Variants in MICAL3 observed in about 807,000 individuals in gnomAD.
The protein encoded by MICAL3 is microtubule associated monooxygenase, calponin and LIM domain containing 3, also known as [F-actin]-monooxygenase MICAL3.
A neutral mutation model predicts 207.4 loss-of-function variants in MICAL3; 62 were observed. That is an observed-to-expected ratio of 0.30 (90% CI 0.24 to 0.37). The LOEUF (loss-of-function observed/expected upper bound fraction) is 0.37, where lower values mean the gene tolerates loss of function less well. MICAL3 is among the 10% of genes least tolerant of loss of function. MICAL3 has a pLI of 1.00. For synonymous variants in MICAL3, 1,077 were observed against 1,069.3 expected (o/e 1.01, Z -0.14); for missense variants, 2,368 against 2,635.6 (o/e 0.90, Z 2.22).
At chr22:17,854,654 T>A (rs1211146200) in intron 19 of MICAL3, among the ~76,000 whole-genome samples, 1 of 152,204 alleles carries the variant, frequency 6.6e-6, no homozygotes, top group African/African-American at 2.4e-5. Context: ...CGCCTGAACT[T>A]TCCCTTGTCT....
intron 16 of MICAL3, among the ~76,000 whole-genome samples, chr22:17,877,427 G>GGTT (rs1928860326): frequency 5.4e-5 from 2 of 37,082 alleles, no homozygotes; most frequent in Non-Finnish European, 1.2e-4. Flanking sequence ...AGGTTAGGGA[G>GGTT]ATTATGGAGG....
chr22:17,961,864 C>T lies in MICAL3; in HGVS notation c.-74-54978G>A, dbSNP rs542339647. Among the ~76,000 whole-genome samples, 19 of 152,328 alleles carry T rather than the reference C, an allele frequency of 1.2e-4. No homozygotes were observed. In the South Asian group the frequency reaches 3.9e-3, roughly 32 times the overall value. ...GCCTGCCTCCAGTTGCTCCTCTTCA[C>T]CACCACCTCACCTTCCAATGGGCAA... On this transcript the variant is annotated intron_variant, in intron 1 of 31. Coordinates refer to ENST00000441493, the MANE Select transcript of MICAL3 (RefSeq NM_015241.3).
At position 17,860,847 on chromosome 22, in the gene MICAL3, G is replaced by A. The variant is rs146124172; in HGVS notation, c.2605+4052C>T. ...TCCCCAAAGCCCTGACCTGGAGTAC[G>A]GCTCCCCAGTGTGAGGCTCCCGTGG... is the stretch of plus-strand genomic sequence containing the variant. On this transcript the variant is annotated intron_variant, in intron 19 of 31. Transcript: ENST00000441493. 270 of 985,372 alleles carry A rather than the reference G, an allele frequency of 2.7e-4. 1 individual carries two copies. In the African/African-American group the frequency reaches 4.1e-3, roughly 15 times the overall value. 61.0% of individuals were successfully genotyped at this position (985,372 alleles called of 1,614,324 possible).
intron 29 of MICAL3, among the ~76,000 whole-genome samples, chr22:17,799,069 T>G (rs532662863): frequency 6.6e-6 from 1 of 152,328 alleles, no homozygotes; most frequent in East Asian, 1.9e-4. Context: ...GTCATGGCTA[T>G]GCCCAACTGA....
chr22:17,798,847 G>A (rs997590820), intron 29 of MICAL3, among the ~76,000 whole-genome samples: 1 of 151,742 alleles, frequency 6.6e-6, no homozygotes, highest in African/African-American at 2.4e-5. Context: ...CTAATTTTTT[G>A]TATTTTTAGT....
chr22:17,889,988 A>C (rs1293731987), intron 12 of MICAL3, among the ~76,000 whole-genome samples: 2 of 152,198 alleles, frequency 1.3e-5, no homozygotes, highest in Non-Finnish European at 2.9e-5. Flanking sequence ...TAAGGTACTA[A>C]ATCAGCTCTG....
intron 1 of MICAL3, among the ~76,000 whole-genome samples, chr22:17,909,290 G>A (rs375701967): frequency 1.2e-4 from 18 of 152,266 alleles, no homozygotes; most frequent in South Asian, 6.2e-4. Context: ...TTGGGAGGCC[G>A]AGGTGGGTGA....
At chr22:17,825,521 C>T (rs927289435) in intron 22 of MICAL3, among the ~76,000 whole-genome samples, 1 of 152,170 alleles carries the variant, frequency 6.6e-6, no homozygotes, top group Non-Finnish European at 1.5e-5. Context: ...AGGAGCCAGC[C>T]GTCTCTGCGC....
chr22:17,916,175 G>A (rs147546329), intron 1 of MICAL3, among the ~76,000 whole-genome samples: 1 of 150,990 alleles, frequency 6.6e-6, no homozygotes, highest in African/African-American at 2.4e-5. Context: ...GCATTCTTCC[G>A]CAAGTTTCTA....
At chr22:18,003,251 T>C (rs424765) in intron 1 of MICAL3, among the ~76,000 whole-genome samples, 102,529 of 151,886 alleles carry the variant, frequency 0.68, 36,584 homozygotes, top group African/African-American at 0.92. Flanking sequence ...TTGGTAAAGA[T>C]GAATCCTGTC....
Position 17,790,466 on chromosome 22 carries a change from G to A in MICAL3, c.*266C>T. On this transcript the variant is annotated 3_prime_UTR_variant, in exon 32 of 32. Coordinates refer to ENST00000441493, the MANE Select transcript of MICAL3 (RefSeq NM_015241.3). ...CAGGGAGCGCGCGGGGTGGTCCCCT[G>A]CGTCATGCCATACACGCCGTGCTGC... 1 of 516,162 alleles carries A rather than the reference G, an allele frequency of 1.9e-6. No individual in the cohort carries two copies. Among genetic ancestry groups the A allele is most frequent in the Non-Finnish European group, 3.5e-6 (1 of 288,536 alleles). 32.0% of individuals were successfully genotyped at this position (516,162 alleles called of 1,614,324 possible).
At chr22:17,804,541 C>T (rs919142472) in intron 29 of MICAL3, among the ~76,000 whole-genome samples, 2 of 152,232 alleles carry the variant, frequency 1.3e-5, no homozygotes, top group Admixed American at 1.3e-4. Context: ...CGGCCGAAGG[C>T]TCCTGGAGGT....
chr22:17,979,532 G>A (rs1169293915), intron 1 of MICAL3, among the ~76,000 whole-genome samples: 2 of 152,142 alleles, frequency 1.3e-5, no homozygotes, highest in African/African-American at 2.4e-5. Flanking sequence ...ACAACAAGGT[G>A]AAACTCCATC....
intron 1 of MICAL3, among the ~76,000 whole-genome samples, chr22:17,938,677 A>T (rs1933663737): frequency 6.6e-6 from 1 of 152,176 alleles, no homozygotes. Context: ...CAGAGTCTTA[A>T]AGGACTAAAC....
chr22:17,977,907 A>G (rs11089212), intron 1 of MICAL3, among the ~76,000 whole-genome samples: 1 of 152,042 alleles, frequency 6.6e-6, no homozygotes, highest in Non-Finnish European at 1.5e-5. Context: ...CTGTAACCCC[A>G]GCTACTCGGG....
intron 20 of MICAL3, among the ~76,000 whole-genome samples, chr22:17,835,136 A>G (rs9618133): frequency 0.076 from 11,551 of 152,292 alleles, 601 homozygotes; most frequent in African/African-American, 0.14. Context: ...AGGCCAGCCC[A>G]CAGCCGTGTC....
intron 1 of MICAL3, among the ~76,000 whole-genome samples, chr22:18,003,159 C>CAAAA (rs770213307): frequency 9.3e-6 from 1 of 107,074 alleles, no homozygotes. Flanking sequence ...GACTCCATCT[C>CAAAA]AAAAAAAAAA....
intron 1 of MICAL3, among the ~76,000 whole-genome samples, chr22:17,978,077 C>T (rs1935738051): frequency 1.3e-5 from 2 of 151,864 alleles, no homozygotes; most frequent in South Asian, 4.2e-4. Flanking sequence ...TACACCTACA[C>T]AAAAACTTGC....
intron 18 of MICAL3, among the ~76,000 whole-genome samples, 174 bp downstream of exon 18, chr22:17,865,750 T>C (rs1602089609): frequency 6.6e-6 from 1 of 152,332 alleles, no homozygotes; most frequent in East Asian, 1.9e-4. Flanking sequence ...CCTCAGATCA[T>C]CCATGAAAAG....
Sources: gnomAD v4.1 joint callset for allele counts (sites outside exome capture counted in the v4.1 genomes callset) on GRCh38, gnomAD v4.1.1 for gene constraint, MANE v1.5 for transcripts, NCBI Gene and HGNC (gene_info 2026-07-23, HGNC 2026-07-21) for gene names.